Variants in ACTR3C observed in about 807,000 individuals in gnomAD.
ACTR3C encodes actin-related protein 3C.
ACTR3C carries 18 observed loss-of-function variants against 26.3 expected under a neutral mutation model. The ratio of observed to expected loss-of-function variants is 0.68; its 90% CI spans 0.47 to 1.01. The LOEUF is 1.01. Among genes scored for constraint, ACTR3C ranks in the 50% least tolerant of loss-of-function variants. The pLI is 0.00. For missense variants in ACTR3C, 184 were observed against 250.7 expected, an observed-to-expected ratio of 0.73 and a Z score of 1.80; for synonymous variants, 55 against 94.5, an observed-to-expected ratio of 0.58 and a Z score of 2.42.
At chr7:150,105,179 T>C in the ACTR3C span, among the ~76,000 whole-genome samples, 1 of 151,358 alleles carries the variant, frequency 6.6e-6, no homozygotes, top group Non-Finnish European at 1.5e-5. Context: ...GCCTCCTGGA[T>C]TCACACCATT....
the ACTR3C span, among the ~76,000 whole-genome samples, chr7:150,179,790 G>A: frequency 6.6e-6 from 1 of 151,722 alleles, no homozygotes; most frequent in African/African-American, 2.4e-5. Context: ...CCACTGTGCT[G>A]GGACTCTGAT....
the ACTR3C span, among the ~76,000 whole-genome samples, chr7:149,958,586 T>A: frequency 6.6e-6 from 1 of 152,226 alleles, no homozygotes; most frequent in South Asian, 2.1e-4. Context: ...TCCATTCAGT[T>A]GAATTAAGTG....
the ACTR3C span, among the ~76,000 whole-genome samples, chr7:150,009,953 C>T: frequency 6.6e-6 from 1 of 152,254 alleles, no homozygotes; most frequent in African/African-American, 2.4e-5. Flanking sequence ...AAGCACAGTT[C>T]AGCTCCCATT....
chr7:149,961,754 T>C, the ACTR3C span, among the ~76,000 whole-genome samples: 1 of 151,728 alleles, frequency 6.6e-6, no homozygotes, highest in Non-Finnish European at 1.5e-5. Context: ...ACTCACAATG[T>C]GGGCTCAAAG....
At chr7:150,160,455 T>C in the ACTR3C span, among the ~76,000 whole-genome samples, 13 of 152,146 alleles carry the variant, frequency 8.5e-5, no homozygotes, top group African/African-American at 2.9e-4. Flanking sequence ...CAAAGAGAAA[T>C]GGGCATTCCT....
At chr7:150,057,808 T>C in the ACTR3C span, among the ~76,000 whole-genome samples, 4 of 152,238 alleles carry the variant, frequency 2.6e-5, no homozygotes, top group African/African-American at 9.6e-5. Flanking sequence ...TCTTGGTTTC[T>C]ACCCTGATTA....
chr7:149,912,930 T>C, the ACTR3C span, among the ~76,000 whole-genome samples: 2 of 152,204 alleles, frequency 1.3e-5, no homozygotes, highest in Non-Finnish European at 2.9e-5. Flanking sequence ...TATCTTTCCA[T>C]TTTCCTGGGC....
At chr7:150,288,649 T>G (rs1835968288) in intron 4 of ACTR3C, among the ~76,000 whole-genome samples, 1 of 148,930 alleles carries the variant, frequency 6.7e-6, no homozygotes, top group African/African-American at 2.5e-5. Flanking sequence ...AAGGAGAAGG[T>G]AACCCCTTAG....
chr7:150,085,964 TTTTTC>T, the ACTR3C span, among the ~76,000 whole-genome samples: 66 of 151,688 alleles, frequency 4.4e-4, no homozygotes, highest in African/African-American at 1.6e-3. Context: ...CATGATTTTT[TTTTTC>T]TTTTTTCTTT....
the ACTR3C span, among the ~76,000 whole-genome samples, chr7:149,970,482 A>C: frequency 1.3e-5 from 2 of 152,160 alleles, no homozygotes; most frequent in Admixed American, 6.5e-5. Context: ...AAGCCCTCAT[A>C]AGATGAGAGC....
the ACTR3C span, among the ~76,000 whole-genome samples, chr7:150,036,243 T>G: frequency 2.0e-5 from 3 of 146,904 alleles, no homozygotes; most frequent in Non-Finnish European, 4.6e-5. Flanking sequence ...GGCCTTTATG[T>G]TCAGGTTTTG....
At chr7:149,882,756 A>G in the ACTR3C span, among the ~76,000 whole-genome samples, 3 of 152,346 alleles carry the variant, frequency 2.0e-5, no homozygotes, top group African/African-American at 7.2e-5. Context: ...AGCTCCATTC[A>G]GATCTGTGCA....
chr7:149,993,824 T>TG, the ACTR3C span, among the ~76,000 whole-genome samples: 50 of 152,340 alleles, frequency 3.3e-4, 1 homozygote, highest in South Asian at 9.9e-3. Flanking sequence ...TGATTCAGAA[T>TG]GGGGATATTA....
the ACTR3C span, among the ~76,000 whole-genome samples, chr7:149,946,466 C>T: frequency 5.3e-5 from 8 of 152,318 alleles, no homozygotes; most frequent in Admixed American, 2.0e-4. Context: ...GAAAAAGCCA[C>T]GTCTCCACGG....
chr7:149,989,199 G>T, the ACTR3C span, among the ~76,000 whole-genome samples: 1 of 152,136 alleles, frequency 6.6e-6, no homozygotes, highest in African/African-American at 2.4e-5. Context: ...ATATTCATGG[G>T]GTCCATCATG....
intron 6 of ACTR3C, among the ~76,000 whole-genome samples, chr7:150,259,230 AAGAAAGAAAAGAC>A (rs773614555): frequency 9.9e-5 from 15 of 152,128 alleles, no homozygotes; most frequent in African/African-American, 2.2e-4. Flanking sequence ...TACAAAAAGA[AAGAAAGAAAAGAC>A]AGAAAGAAAA....
At chr7:150,198,362 C>A in the ACTR3C span, among the ~76,000 whole-genome samples, 3 of 147,250 alleles carry the variant, frequency 2.0e-5, no homozygotes, top group East Asian at 4.0e-4. Flanking sequence ...AAGTGAGGAG[C>A]GTCTGCGCCC....
the ACTR3C span, among the ~76,000 whole-genome samples, chr7:149,963,248 C>G: frequency 6.6e-6 from 1 of 152,202 alleles, no homozygotes; most frequent in Non-Finnish European, 1.5e-5. Context: ...TTAAACGACT[C>G]TGTCCCAGAT....
At chr7:150,323,372 G>C (rs752174101) in intron 1 of ACTR3C, 97 bp downstream of exon 1, 68 of 292,246 alleles carry the variant, frequency 2.3e-4, no homozygotes, top group Non-Finnish European at 3.5e-4. Flanking sequence ...GGCCTGCGGC[G>C]CTGGGAGAAG....
Sources: allele counts gnomAD v4.1 joint callset (sites outside exome capture counted in the v4.1 genomes callset), GRCh38; gene constraint gnomAD v4.1.1; transcripts MANE v1.5; gene names NCBI Gene and HGNC (gene_info 2026-07-23, HGNC 2026-07-21).